Variants in LRP1B observed in about 807,000 individuals in gnomAD.
LRP1B encodes low-density lipoprotein receptor-related protein 1B.
Under a neutral mutation model 556.6 loss-of-function variants are expected in LRP1B, and 217 were observed. The ratio of observed to expected loss-of-function variants is 0.39; its 90% CI spans 0.35 to 0.44. The LOEUF is 0.44. Ranked by LOEUF, LRP1B falls within the 20% of genes least tolerant of loss-of-function variation. The pLI is 1.00. For synonymous variants in LRP1B, 2,047 were observed against 1,865.8 expected (o/e 1.10, Z -2.50); for missense variants, 5,053 against 5,620.8 (o/e 0.90, Z 3.23).
At chr2:142,074,987 G>A (rs1435126114) in intron 1 of LRP1B, among the ~76,000 whole-genome samples, 2 of 152,014 alleles carry the variant, frequency 1.3e-5, no homozygotes, top group Non-Finnish European at 2.9e-5. Context: ...AGCTCCCTGC[G>A]ATTATACCTT....
At chr2:140,243,811 G>A (rs1208483496) in intron 87 of LRP1B, among the ~76,000 whole-genome samples, 1 of 151,084 alleles carries the variant, frequency 6.6e-6, no homozygotes, top group Non-Finnish European at 1.5e-5. Flanking sequence ...CTCCACGGTT[G>A]TTGTACCTGC....
chr2:141,671,845 A>G (rs1690681188), intron 2 of LRP1B, among the ~76,000 whole-genome samples: 1 of 152,000 alleles, frequency 6.6e-6, no homozygotes, highest in East Asian at 1.9e-4. Flanking sequence ...TTCACAAACA[A>G]AATGCTATTT....
chr2:141,714,672 T>C (rs1692507939), intron 2 of LRP1B, among the ~76,000 whole-genome samples: 1 of 152,144 alleles, frequency 6.6e-6, no homozygotes, highest in Non-Finnish European at 1.5e-5. Context: ...ACGCATGACC[T>C]GGCAGGAAGC....
At chr2:141,169,520 G>A (rs1680408348) in intron 7 of LRP1B, among the ~76,000 whole-genome samples, 2 of 151,664 alleles carry the variant, frequency 1.3e-5, no homozygotes, top group South Asian at 4.2e-4. Flanking sequence ...GAATTACACT[G>A]TCTGTCATGG....
chr2:140,834,451 G>A (rs895642889), intron 31 of LRP1B, among the ~76,000 whole-genome samples: 1 of 152,096 alleles, frequency 6.6e-6, no homozygotes, highest in Admixed American at 6.5e-5. Context: ...TTTTAGCCAG[G>A]ATGATCTGGA....
intron 36 of LRP1B, 45 bp from the exon 37 acceptor site, chr2:140,716,147 A>C (rs1469457850): frequency 7.3e-6 from 10 of 1,378,332 alleles, no homozygotes; most frequent in Admixed American, 4.4e-5. Flanking sequence ...TTTGAGAAAA[A>C]AAATGTATTT....
At position 140,501,044 on chromosome 2, in the gene LRP1B, G is replaced by T. The variant is rs373638150; in HGVS notation, c.8850+643C>A. Among the ~76,000 whole-genome samples, 7 of 152,042 alleles carry T rather than the reference G, an allele frequency of 4.6e-5. No individual in the cohort carries two copies. The East Asian group carries it at 9.7e-4, about 21-fold the overall frequency. Reference sequence around the variant, plus strand: ...ACACAACGTTGCATTTCAACATTGTGTTAGTTTTGTCCGTCATTCCAACAT... The same window carrying T: ...ACACAACGTTGCATTTCAACATTGTTTTAGTTTTGTCCGTCATTCCAACAT... On this transcript the variant is annotated intron_variant, in intron 55 of 90. Coordinates refer to ENST00000389484, the MANE Select transcript of LRP1B (RefSeq NM_018557.3).
At chr2:141,191,127 T>C (rs780413456) in intron 6 of LRP1B, among the ~76,000 whole-genome samples, 1 of 151,966 alleles carries the variant, frequency 6.6e-6, no homozygotes, top group Non-Finnish European at 1.5e-5. Flanking sequence ...GTTCTCTCCA[T>C]AACTTTCTAC....
At chr2:141,894,349 C>T (rs1045410492) in intron 1 of LRP1B, among the ~76,000 whole-genome samples, 3 of 151,984 alleles carry the variant, frequency 2.0e-5, no homozygotes, top group Admixed American at 6.6e-5. Context: ...TCCTTCCCTC[C>T]CTTTCTTCCT....
At chr2:140,967,813 C>A (rs187158166) in intron 18 of LRP1B, among the ~76,000 whole-genome samples, 1 of 151,802 alleles carries the variant, frequency 6.6e-6, no homozygotes, top group African/African-American at 2.4e-5. Flanking sequence ...GTTTTTTTGT[C>A]TTTGGTTCTG....
intron 1 of LRP1B, among the ~76,000 whole-genome samples, chr2:142,011,081 C>A (rs1050638831): frequency 1.3e-5 from 2 of 152,130 alleles, no homozygotes; most frequent in African/African-American, 4.8e-5. Flanking sequence ...TGTAATTTTG[C>A]AGACTTGTTA....
rs763449315 is a variant in LRP1B at position 140,516,885 on chromosome 2, T to C, written c.8149+4A>G. 38 of 1,613,064 alleles carry C rather than the reference T, an allele frequency of 2.4e-5. No homozygotes were observed. The highest frequency in any genetic ancestry group is 3.4e-6 in the Non-Finnish European group (4 of 1,179,570). Reference sequence around the variant, plus strand: ...CAAAAACTAAGCTAAATACAATGTCTCACCACAGTGGAATTCATCACGTCC... The same window carrying C: ...CAAAAACTAAGCTAAATACAATGTCCCACCACAGTGGAATTCATCACGTCC... On this transcript the variant is annotated splice_donor_region_variant and intron_variant, in intron 50 of 90. Coordinates refer to ENST00000389484, the MANE Select transcript of LRP1B (RefSeq NM_018557.3).
At chr2:140,929,768 A>ACACACACG (rs1244072441) in intron 20 of LRP1B, among the ~76,000 whole-genome samples, 1 of 150,494 alleles carries the variant, frequency 6.6e-6, no homozygotes, top group African/African-American at 2.5e-5. Context: ...ACACACACAC[A>ACACACACG]CACACACACA....
chr2:141,750,920 A>C (rs928326731), intron 2 of LRP1B, among the ~76,000 whole-genome samples: 5 of 152,034 alleles, frequency 3.3e-5, no homozygotes, highest in African/African-American at 1.2e-4. Flanking sequence ...TTTTTGAATG[A>C]ATTTCATGAT....
chr2:140,445,499 C>T (rs1686617479), intron 63 of LRP1B, among the ~76,000 whole-genome samples: 1 of 152,030 alleles, frequency 6.6e-6, no homozygotes, highest in African/African-American at 2.4e-5. Flanking sequence ...ATATTCATCC[C>T]TATAATCCGA....
At chr2:140,746,538 T>C (rs1455839351) in intron 35 of LRP1B, among the ~76,000 whole-genome samples, 3 of 152,178 alleles carry the variant, frequency 2.0e-5, no homozygotes, top group Admixed American at 2.0e-4. Flanking sequence ...ATTCCAATGC[T>C]CAGAGCACTG....
intron 1 of LRP1B, among the ~76,000 whole-genome samples, chr2:141,986,903 C>A (rs1702203512): frequency 6.6e-6 from 1 of 151,914 alleles, no homozygotes. Flanking sequence ...AATAAAGTTG[C>A]CGTTACAGCA....
intron 3 of LRP1B, among the ~76,000 whole-genome samples, chr2:141,365,658 T>TTTTTTTTTTTTTGTTTG: frequency 1.4e-5 from 2 of 142,858 alleles, no homozygotes; most frequent in African/African-American, 5.2e-5. Flanking sequence ...TTTGTTGCTT[T>TTTTTTTTTTTTTGTTTG]TTTTTTTTTT....
At chr2:140,965,558 T>A (rs76313445) in intron 18 of LRP1B, among the ~76,000 whole-genome samples, 1 of 49,166 alleles carries the variant, frequency 2.0e-5, no homozygotes, top group East Asian at 4.8e-4. Flanking sequence ...TGATTTTCTT[T>A]TAATTTTTTT....
Sources: gnomAD v4.1 joint callset for allele counts (sites outside exome capture counted in the v4.1 genomes callset) on GRCh38, gnomAD v4.1.1 for gene constraint, MANE v1.5 for transcripts, NCBI Gene and HGNC (gene_info 2026-07-23, HGNC 2026-07-21) for gene names.